The following RNF187 variants were observed in gnomAD, a reference collection of about 807,000 sequenced individuals.
RNF187 encodes the protein ring finger protein 187.
RNF187 carries 18 observed loss-of-function variants against 22.2 expected under a neutral mutation model. The observed-to-expected ratio is 0.81, with a 90% CI of 0.56 to 1.20. The LOEUF (loss-of-function observed/expected upper bound fraction) is 1.20, where lower values mean the gene tolerates loss of function less well. Among genes scored for constraint, RNF187 ranks in the 50% most tolerant of loss-of-function variants. The probability of loss-of-function intolerance (pLI) is 0.00; values close to 1 mark genes in which losing one functional copy is unlikely to be tolerated. For synonymous variants in RNF187, 164 were observed against 140.9 expected (o/e 1.16, Z -1.16); for missense variants, 329 against 317.6 (o/e 1.04, Z -0.27).
chr1:228,494,805 C>T lies in RNF187; in HGVS notation c.*920C>T. The T allele has an allele frequency of 5.1e-6, 5 of 985,482 alleles. No individual in the cohort carries two copies. Among genetic ancestry groups the T allele is most frequent in the Non-Finnish European group, 6.0e-6 (5 of 829,972 alleles). The allele number at this position is 985,482 out of a possible 1,614,324, so 61.0% of individuals were successfully genotyped here. ...GATTGCAAAGTCGGGGACATAGATG[C>T]AGACAGTTGTTGAGATTTGGGGATA... On this transcript the variant is annotated 3_prime_UTR_variant, in exon 4 of 4. Transcript: ENST00000305943.
intron 1 of RNF187, among the ~76,000 whole-genome samples, chr1:228,488,702 G>A: frequency 6.6e-6 from 1 of 152,238 alleles, no homozygotes; most frequent in African/African-American, 2.4e-5. Flanking sequence ...ACTGAACAGG[G>A]CCACTTACAG....
intron 1 of RNF187, chr1:228,488,591 G>A: frequency 2.4e-4 from 45 of 188,536 alleles, no homozygotes; most frequent in African/African-American, 1.0e-3. Flanking sequence ...TGCTCCTCCT[G>A]CATTGGGGGT....
intron 2 of RNF187, among the ~76,000 whole-genome samples, chr1:228,489,918 C>T: frequency 6.6e-6 from 1 of 152,200 alleles, no homozygotes. Context: ...GACATTCAGA[C>T]CAGAGCAGCG....
chr1:228,494,582 G>C lies in RNF187; in HGVS notation c.*697G>C. On this transcript the variant is annotated 3_prime_UTR_variant, in exon 4 of 4. Coordinates refer to ENST00000305943, the MANE Select transcript of RNF187 (RefSeq NM_001010858.3). The stretch of plus-strand genomic sequence containing the variant: ...TCTTTCTCTGTTTCCCTGGGTGAGG[G>C]GGCTGGCAGGTGGCTAACCCCATTT... 1 of 985,822 alleles carries C rather than the reference G, an allele frequency of 1.0e-6. No homozygotes were observed. The highest frequency in any genetic ancestry group is 4.7e-5 in the South Asian group (1 of 21,298). 61.1% of individuals were successfully genotyped at this position (985,822 alleles called of 1,614,324 possible).
chr1:228,489,569 T>A, intron 2 of RNF187, among the ~76,000 whole-genome samples: 128,495 of 151,314 alleles, frequency 0.85, 54,516 homozygotes, highest in East Asian at 0.99. Context: ...CAAAGTGCTA[T>A]TTTTTTTTTC....
Position 228,494,543 on chromosome 1 carries a change from C to G in RNF187, c.*658C>G. 1.0e-6 allele frequency: 1 copy of G among 985,970 alleles called. No homozygotes were observed. The allele number at this position is 985,970 out of a possible 1,614,324, so 61.1% of individuals were successfully genotyped here. A position where few individuals can be genotyped will look rare whatever the true frequency, so the allele number is the denominator to read the frequency against. ...GCCCTCCCTGTGCTCCACCTGCCTCCGCAGAAGGAAGCCTCTTTCTCTGTT... is the reference window on the plus strand; with the variant it reads ...GCCCTCCCTGTGCTCCACCTGCCTCGGCAGAAGGAAGCCTCTTTCTCTGTT... On this transcript the variant is annotated 3_prime_UTR_variant, in exon 4 of 4. Transcript: ENST00000305943.
chr1:228,491,267 G>T, intron 2 of RNF187, among the ~76,000 whole-genome samples: 1 of 151,194 alleles, frequency 6.6e-6, no homozygotes, highest in African/African-American at 2.4e-5. Flanking sequence ...TTGCATCTGT[G>T]GTCCCAGCTA....
In RNF187 at chr1:228,495,165, G is replaced by A; in HGVS notation, c.*1280G>A. ...TGGGGCTCCACCCCGACGTAGCAGG[G>A]CAGGGGTTGGAGGAGCGAGGAGCAG... On this transcript the variant is annotated 3_prime_UTR_variant, in exon 4 of 4. Coordinates refer to ENST00000305943, the MANE Select transcript of RNF187 (RefSeq NM_001010858.3). 6 of 464,920 alleles carry A rather than the reference G, an allele frequency of 1.3e-5. No homozygotes were observed. Among genetic ancestry groups the A allele is most frequent in the Non-Finnish European group, 1.7e-5 (6 of 354,208 alleles). The allele number at this position is 464,920 out of a possible 1,614,324, so 28.8% of individuals were successfully genotyped here.
Position 228,494,642 on chromosome 1 carries a change from G to C in RNF187, c.*757G>C. The C allele has an allele frequency of 5.1e-6, 5 of 985,392 alleles. No individual in the cohort carries two copies. The highest frequency in any genetic ancestry group is 6.0e-6 in the Non-Finnish European group (5 of 830,024). The allele number at this position is 985,392 out of a possible 1,614,324, so 61.0% of individuals were successfully genotyped here. ...AGGCCCTGCCATCGTGTCTCATCTT[G>C]CTGTTATCTCTAGCTCTTTCCCTCC... On this transcript the variant is annotated 3_prime_UTR_variant, in exon 4 of 4. Transcript: ENST00000305943.
chr1:228,495,181 C>T lies in RNF187; in HGVS notation c.*1296C>T. On this transcript the variant is annotated 3_prime_UTR_variant, in exon 4 of 4. Coordinates refer to ENST00000305943, the MANE Select transcript of RNF187 (RefSeq NM_001010858.3). ...CGTAGCAGGGCAGGGGTTGGAGGAG[C>T]GAGGAGCAGTATAGGGTCCATGGGT... 2.5e-5 allele frequency: 9 copies of T among 354,310 alleles called. No individual in the cohort carries two copies. The highest frequency in any genetic ancestry group is 1.3e-4 in the Admixed American group (2 of 15,538). 21.9% of individuals were successfully genotyped at this position (354,310 alleles called of 1,614,324 possible).
At chr1:228,489,114 A>T in intron 2 of RNF187, 62 bp downstream of exon 2, 1 of 1,407,340 alleles carries the variant, frequency 7.1e-7, no homozygotes. Flanking sequence ...GCTCTAGACA[A>T]AGGGACCACC....
chr1:228,493,291 G>A lies in RNF187; in HGVS notation c.705+17G>A. ...CTGCTGCAGGTGCGGGAGCCCCGCT[G>A]GGTCTGCCCACCATCGGGCCAGGGT... On this transcript the variant is annotated intron_variant, in intron 3 of 3. Transcript: ENST00000305943. The surrounding 1 kb of genome is among the most constrained non-coding windows in gnomAD (Gnocchi z 4.7). 307 of 1,544,528 alleles carry A rather than the reference G, an allele frequency of 2.0e-4. No individual in the cohort carries two copies. Among genetic ancestry groups the A allele is most frequent in the Admixed American group, 2.9e-4 (15 of 50,850 alleles).
rs1265643689 is a variant in RNF187, at chr1:228,487,855, T to C, written c.367T>C (p.Trp123Arg). The C allele has an allele frequency of 1.6e-6, 2 of 1,231,060 alleles. No homozygotes were observed. 76.3% of individuals were successfully genotyped at this position (1,231,060 alleles called of 1,614,324 possible). Residue 123 changes from tryptophan (W) to arginine (R), a missense_variant, in exon 1 of 4, where the codon TGG becomes CGG. By Grantham distance (101) the Trp-to-Arg change is moderately radical. Transcript: ENST00000305943. ...CGAGCCGCCCGAGTGGGAACCGCGC[T>C]GGAGGAAGGCGCTGCGCGGCAAGGT...
In RNF187 at chr1:228,489,055, A is replaced by G; in HGVS notation, c.483+3A>G. 1.3e-6 allele frequency: 2 copies of G among 1,545,770 alleles called. No homozygotes were observed. Among genetic ancestry groups the G allele is most frequent in the Non-Finnish European group, 1.7e-6 (2 of 1,146,554 alleles). ...AGTCAGCAGCTGCAGTGTGGAAGGC[A>G]AGTGGGGGGACCTGGGGCAGCCTGG... On this transcript the variant is annotated splice_donor_region_variant and intron_variant, in intron 2 of 3. Coordinates refer to ENST00000305943, the MANE Select transcript of RNF187 (RefSeq NM_001010858.3).
intron 2 of RNF187, among the ~76,000 whole-genome samples, chr1:228,491,409 AT>A: frequency 5.9e-4 from 89 of 149,858 alleles, no homozygotes; most frequent in African/African-American, 1.7e-3. Context: ...AAAAAAAAAA[AT>A]AAAGGGAGAT....
intron 1 of RNF187, chr1:228,488,507 A>G: frequency 6.3e-5 from 10 of 158,418 alleles, no homozygotes; most frequent in African/African-American, 2.4e-4. Flanking sequence ...GACACAGAAT[A>G]GGAGACAACA....
chr1:228,487,387 C>CGTCTTCGTCCTGTTGCTG lies in RNF187; in HGVS notation c.-97_-80dup. ...GCCCCGTGCGCGTCCCCGGCGTTGG[C>CGTCTTCGTCCTGTTGCTG]GTCTTCGTCCTGTTGCTGGTCTCCG... On this transcript the variant is annotated 5_prime_UTR_variant, in exon 1 of 4. Coordinates refer to ENST00000305943, the MANE Select transcript of RNF187 (RefSeq NM_001010858.3). The CGTCTTCGTCCTGTTGCTG allele has an allele frequency of 2.8e-6, 3 of 1,059,308 alleles. No homozygotes were observed. The highest frequency in any genetic ancestry group is 2.3e-6 in the Non-Finnish European group (2 of 879,248). The allele number at this position is 1,059,308 out of a possible 1,614,324, so 65.6% of individuals were successfully genotyped here. A position where few individuals can be genotyped will look rare whatever the true frequency, so the allele number is the denominator to read the frequency against.
Position 228,494,507 on chromosome 1 carries a change from G to A in RNF187, c.*622G>A. On this transcript the variant is annotated 3_prime_UTR_variant, in exon 4 of 4. Coordinates refer to ENST00000305943, the MANE Select transcript of RNF187 (RefSeq NM_001010858.3). ...TTCCTGGCCCCCACCCCACTCCTGT[G>A]CCTCCCAGGAGCCCTCCCTGTGCTC... 5.0e-5 allele frequency: 49 copies of A among 986,268 alleles called. No individual in the cohort carries two copies. Among genetic ancestry groups the A allele is most frequent in the Non-Finnish European group, 5.7e-5 (47 of 830,670 alleles). The allele number at this position is 986,268 out of a possible 1,614,324, so 61.1% of individuals were successfully genotyped here. A position where few individuals can be genotyped will look rare whatever the true frequency, so the allele number is the denominator to read the frequency against.
In RNF187 at chr1:228,495,625, C is replaced by T; in HGVS notation, c.*1740C>T. 1 of 985,598 alleles carries T rather than the reference C, an allele frequency of 1.0e-6. No homozygotes were observed. The allele number at this position is 985,598 out of a possible 1,614,324, so 61.1% of individuals were successfully genotyped here. A position where few individuals can be genotyped will look rare whatever the true frequency, so the allele number is the denominator to read the frequency against. On this transcript the variant is annotated 3_prime_UTR_variant, in exon 4 of 4. Coordinates refer to ENST00000305943, the MANE Select transcript of RNF187 (RefSeq NM_001010858.3). ...CGGACAGGTCCTGATGGCAGAGTCT[C>T]CCACAACATCAGTGTCTCCACATCA...
Sources: gnomAD v4.1 joint callset for allele counts (sites outside exome capture counted in the v4.1 genomes callset) on GRCh38, gnomAD v4.1.1 for gene constraint, Gnocchi (gnomAD v3.1) non-coding constraint, MANE v1.5 for transcripts, NCBI Gene and HGNC (gene_info 2026-07-23, HGNC 2026-07-21) for gene names.